HHAT: variants seen among roughly 807,000 people sequenced by gnomAD.
HHAT encodes the protein hedgehog acyltransferase.
HHAT carries 47 observed loss-of-function variants against 70.8 expected under a neutral mutation model. The ratio of observed to expected loss-of-function variants is 0.66; its 90% CI spans 0.53 to 0.85. HHAT has a LOEUF of 0.85. Among genes scored for constraint, HHAT ranks in the 40% least tolerant of loss-of-function variants. HHAT has a pLI of 0.00. For missense variants in HHAT, 609 were observed against 604.8 expected, an observed-to-expected ratio of 1.01 and a Z score of -0.07; for synonymous variants, 228 against 247.6, an observed-to-expected ratio of 0.92 and a Z score of 0.74.
At chr1:210,591,012 C>T (rs1030537229) in intron 10 of HHAT, among the ~76,000 whole-genome samples, 1 of 152,096 alleles carries the variant, frequency 6.6e-6, no homozygotes, top group Non-Finnish European at 1.5e-5. Context: ...TTAATTATCA[C>T]ATGGGGGTAA....
At chr1:210,409,481 C>T (rs898365053) in intron 6 of HHAT, among the ~76,000 whole-genome samples, 4 of 151,906 alleles carry the variant, frequency 2.6e-5, no homozygotes, top group Non-Finnish European at 4.4e-5. Context: ...GGATGGCTAG[C>T]GGGTGGGAGT....
chr1:210,352,593 C>A (rs1246236843), intron 2 of HHAT, among the ~76,000 whole-genome samples: 1 of 152,126 alleles, frequency 6.6e-6, no homozygotes, highest in Non-Finnish European at 1.5e-5. Context: ...TGGCTACTCT[C>A]CTTGGGCACA....
intron 4 of HHAT, 32 bp downstream of exon 4, chr1:210,387,613 G>A (rs911059549): frequency 2.6e-6 from 4 of 1,539,076 alleles, no homozygotes; most frequent in Non-Finnish European, 3.6e-6. Flanking sequence ...CCTTTTAAGT[G>A]TGTTTTTCCT....
At chr1:210,461,822 T>C (rs1183282612) in intron 7 of HHAT, among the ~76,000 whole-genome samples, 1 of 152,216 alleles carries the variant, frequency 6.6e-6, no homozygotes, top group Admixed American at 6.5e-5. Flanking sequence ...AAGCCTTTCA[T>C]ATCTTAAGCC....
chr1:210,370,901 A>G (rs546168855), intron 3 of HHAT, among the ~76,000 whole-genome samples: 1 of 152,252 alleles, frequency 6.6e-6, no homozygotes, highest in African/African-American at 2.4e-5. Context: ...GGCATGAACC[A>G]CCACACCTGG....
chr1:210,385,260 T>C (rs565260033), intron 3 of HHAT, among the ~76,000 whole-genome samples: 1 of 150,886 alleles, frequency 6.6e-6, no homozygotes, highest in South Asian at 2.1e-4. Flanking sequence ...TTCTTTTTTT[T>C]TTTTTTTCTT....
rs1256980610 is a variant in HHAT at position 210,402,823 on chromosome 1, G to T, written c.469-1641G>T. Among the ~76,000 whole-genome samples, 5 of 152,134 alleles carry T rather than the reference G, an allele frequency of 3.3e-5. No individual in the cohort carries two copies. In the East Asian group the frequency reaches 9.6e-4, roughly 29 times the overall value. On this transcript the variant is annotated intron_variant, in intron 5 of 11. Coordinates refer to ENST00000261458, the MANE Select transcript of HHAT (RefSeq NM_018194.6). ...TTCAGTCACTCATTCATTGATCCAG[G>T]TGACAACACTTAGCATTCATGTGCC...
intron 7 of HHAT, among the ~76,000 whole-genome samples, chr1:210,458,833 A>G (rs2093922616): frequency 6.6e-6 from 1 of 152,170 alleles, no homozygotes; most frequent in African/African-American, 2.4e-5. Flanking sequence ...TCCAATCACT[A>G]GCTTCTTCAT....
chr1:210,584,835 G>T (rs913505149), intron 9 of HHAT, among the ~76,000 whole-genome samples: 1 of 152,186 alleles, frequency 6.6e-6, no homozygotes, highest in Non-Finnish European at 1.5e-5. Context: ...TGTTTCACAA[G>T]CAGGTTTGCC....
intron 3 of HHAT, among the ~76,000 whole-genome samples, chr1:210,378,144 T>C (rs1268036300): frequency 1.3e-5 from 2 of 152,224 alleles, no homozygotes. Context: ...GTGCCTCTTT[T>C]GTGCAGAATT....
intron 9 of HHAT, among the ~76,000 whole-genome samples, chr1:210,579,205 G>A (rs1173642722): frequency 1.3e-5 from 2 of 152,106 alleles, no homozygotes; most frequent in Non-Finnish European, 2.9e-5. Flanking sequence ...TAATACATAG[G>A]TGATGAAATT....
chr1:210,636,267 A>G (rs1440162998), intron 11 of HHAT, among the ~76,000 whole-genome samples: 2 of 152,218 alleles, frequency 1.3e-5, no homozygotes, highest in Non-Finnish European at 2.9e-5. Flanking sequence ...GGCTGACCCA[A>G]TAGTTACATT....
At chr1:210,645,341 G>T (rs148680832) in intron 11 of HHAT, among the ~76,000 whole-genome samples, 1 of 152,048 alleles carries the variant, frequency 6.6e-6, no homozygotes, top group African/African-American at 2.4e-5. Context: ...TCGGTGGCAC[G>T]ATCTCAGCTC....
At chr1:210,570,876 C>T (rs912409554) in intron 9 of HHAT, among the ~76,000 whole-genome samples, 15 of 152,136 alleles carry the variant, frequency 9.9e-5, no homozygotes, top group Admixed American at 9.8e-4. Context: ...AGCTTGGTTG[C>T]CCTGATCAGT....
intron 11 of HHAT, among the ~76,000 whole-genome samples, chr1:210,654,262 C>G (rs1054511213): frequency 3.0e-5 from 2 of 67,464 alleles, no homozygotes; most frequent in Non-Finnish European, 6.4e-5. Flanking sequence ...CATGCACTGG[C>G]GACCAATAGA....
intron 11 of HHAT, among the ~76,000 whole-genome samples, chr1:210,666,306 C>G (rs1038946334): frequency 6.6e-6 from 1 of 152,158 alleles, no homozygotes; most frequent in Non-Finnish European, 1.5e-5. Context: ...GCAACAGCAG[C>G]CTTCCCACTG....
intron 9 of HHAT, among the ~76,000 whole-genome samples, chr1:210,541,194 T>TA (rs528085663): frequency 9.9e-5 from 15 of 152,020 alleles, no homozygotes; most frequent in Admixed American, 2.0e-4. Flanking sequence ...TATTTTATAT[T>TA]AAAAAAATAG....
intron 7 of HHAT, among the ~76,000 whole-genome samples, chr1:210,450,634 G>A (rs1295616585): frequency 7.6e-5 from 11 of 145,504 alleles, no homozygotes; most frequent in Admixed American, 5.7e-4. Flanking sequence ...CATACCCCAA[G>A]GACTGTGACA....
intron 9 of HHAT, among the ~76,000 whole-genome samples, chr1:210,585,509 C>G (rs112573653): frequency 0.034 from 5,156 of 152,182 alleles, 131 homozygotes; most frequent in African/African-American, 0.069. Context: ...ACCTCCTCCT[C>G]CCGGGTTCAA....
Sources: gnomAD v4.1 joint callset for allele counts (sites outside exome capture counted in the v4.1 genomes callset) on GRCh38, gnomAD v4.1.1 for gene constraint, MANE v1.5 for transcripts, NCBI Gene and HGNC (gene_info 2026-07-23, HGNC 2026-07-21) for gene names.